SNX29: variants seen among roughly 807,000 people sequenced by gnomAD.
SNX29 encodes sorting nexin 29, also known as sorting nexin-29.
In SNX29, 78 loss-of-function variants were observed where a neutral mutation model predicts 102.1. The ratio of observed to expected loss-of-function variants is 0.76; its 90% confidence interval spans 0.64 to 0.92. SNX29 has a LOEUF of 0.92. Ranked by LOEUF, SNX29 falls within the 40% of genes least tolerant of loss-of-function variation. SNX29 has a pLI of 0.00. For missense variants in SNX29, 1,280 were observed against 1,061.7 expected, an observed-to-expected ratio of 1.21 and a Z score of -2.86; for synonymous variants, 580 against 414.5, an observed-to-expected ratio of 1.40 and a Z score of -4.85.
chr16:12,235,751 C>T (rs1342618836), intron 14 of SNX29, among the ~76,000 whole-genome samples: 2 of 151,716 alleles, frequency 1.3e-5, no homozygotes, highest in East Asian at 3.9e-4. Flanking sequence ...AAAACTTAAA[C>T]ACAATAAAGG....
intron 19 of SNX29, among the ~76,000 whole-genome samples, chr16:12,512,087 A>G (rs2089645993): frequency 6.6e-6 from 1 of 151,948 alleles, no homozygotes; most frequent in African/African-American, 2.4e-5. Context: ...ATGTCTCAAC[A>G]GATGAGGCCA....
At chr16:12,214,236 G>A (rs1048377750) in intron 14 of SNX29, among the ~76,000 whole-genome samples, 5 of 152,176 alleles carry the variant, frequency 3.3e-5, no homozygotes, top group African/African-American at 9.7e-5. Flanking sequence ...TTGTTTGGTA[G>A]GAAACAAAGA....
Position 12,313,305 on chromosome 16 carries a change from C to T in SNX29, c.1782+35269C>T, listed in dbSNP as rs112715233. Among the ~76,000 whole-genome samples the T allele has an allele frequency of 4.9e-3, 743 of 152,272 alleles. 5 individuals are homozygous for T. Among genetic ancestry groups the T allele is most frequent in the African/African-American group, 0.017 (718 of 41,550 alleles). Reference sequence around the variant, plus strand: ...CTGGGATTACAGGCGTGAGCCACTGCGCCTGGCCTGGGTTTTTTTAAACCT... The same window carrying T: ...CTGGGATTACAGGCGTGAGCCACTGTGCCTGGCCTGGGTTTTTTTAAACCT... On this transcript the variant is annotated intron_variant, in intron 15 of 20. Coordinates refer to ENST00000566228, the MANE Select transcript of SNX29 (RefSeq NM_032167.5).
intron 16 of SNX29, among the ~76,000 whole-genome samples, chr16:12,376,309 C>T (rs1057256408): frequency 7.9e-5 from 12 of 152,284 alleles, no homozygotes; most frequent in Middle Eastern, 3.4e-3. Context: ...GCCGAGCAAT[C>T]GCTAGTTATT....
Position 12,440,590 on chromosome 16 carries a change from C to T in SNX29, c.2037+37061C>T, listed in dbSNP as rs1422205093. The stretch of plus-strand genomic sequence containing the variant: ...GTTATTTTTCCTGATCCTCTCCCTC[C>T]TCCCACCCTCCACCCACCAGAAGGC... On this transcript the variant is annotated intron_variant, in intron 18 of 20. Transcript: ENST00000566228. 3.3e-5 allele frequency among the ~76,000 whole-genome samples: 5 copies of T among 152,166 alleles called. No homozygotes were observed. The East Asian group carries it at 9.6e-4, about 29-fold the overall frequency.
At chr16:12,107,593 G>A (rs1312521485) in intron 11 of SNX29, among the ~76,000 whole-genome samples, 4 of 152,020 alleles carry the variant, frequency 2.6e-5, no homozygotes, top group African/African-American at 4.8e-5. Flanking sequence ...GCTGAGATGC[G>A]TTCCTTCATT....
intron 14 of SNX29, among the ~76,000 whole-genome samples, chr16:12,275,472 C>A (rs2151003915): frequency 1.3e-5 from 2 of 152,316 alleles, no homozygotes; most frequent in East Asian, 1.9e-4. Flanking sequence ...TAAAACCTTT[C>A]TTTTGCTTTC....
At chr16:12,425,905 G>T (rs1439367770) in intron 18 of SNX29, among the ~76,000 whole-genome samples, 1 of 152,124 alleles carries the variant, frequency 6.6e-6, no homozygotes, top group East Asian at 1.9e-4. Flanking sequence ...AACTTGGTGT[G>T]TTTTCTGCAG....
At chr16:12,041,302 G>A (rs2151174380) in intron 4 of SNX29, among the ~76,000 whole-genome samples, 1 of 152,110 alleles carries the variant, frequency 6.6e-6, no homozygotes, top group South Asian at 2.1e-4. Context: ...AGTAGAGATG[G>A]GGTTTCAGCA....
chr16:12,562,718 G>A (rs557215374), intron 20 of SNX29, among the ~76,000 whole-genome samples: 19 of 152,166 alleles, frequency 1.2e-4, no homozygotes, highest in Non-Finnish European at 2.6e-4. Context: ...GCCTACCGTG[G>A]TACTGTTTCT....
Position 12,570,349 on chromosome 16 carries a change from C to G in SNX29, c.*1720C>G, listed in dbSNP as rs189066241. On this transcript the variant is annotated 3_prime_UTR_variant, in exon 21 of 21. Coordinates refer to ENST00000566228, the MANE Select transcript of SNX29 (RefSeq NM_032167.5). ...ACTTGGTCTCCCTCCCACTCACCTGCCAACATTGCTGCAATACACATGGTT... is the reference window on the plus strand; with the variant it reads ...ACTTGGTCTCCCTCCCACTCACCTGGCAACATTGCTGCAATACACATGGTT... 12 of 606,500 alleles carry G rather than the reference C, an allele frequency of 2.0e-5. No individual in the cohort carries two copies. The highest frequency in any genetic ancestry group is 2.4e-5 in the Non-Finnish European group (11 of 459,432). 37.6% of individuals were successfully genotyped at this position (606,500 alleles called of 1,614,324 possible). A position where few individuals can be genotyped will look rare whatever the true frequency, so the allele number is the denominator to read the frequency against.
chr16:12,382,196 C>A (rs956264836), intron 16 of SNX29, among the ~76,000 whole-genome samples: 4 of 152,116 alleles, frequency 2.6e-5, no homozygotes, highest in Non-Finnish European at 4.4e-5. Flanking sequence ...TAGACGACAC[C>A]AAACTCAATT....
At chr16:12,421,101 T>A (rs561966733) in intron 18 of SNX29, among the ~76,000 whole-genome samples, 73 of 152,314 alleles carry the variant, frequency 4.8e-4, no homozygotes, top group African/African-American at 1.5e-3. Context: ...GAAGGTTAAG[T>A]GCCTTGCCTA....
At chr16:12,415,026 T>A (rs929172183) in intron 18 of SNX29, among the ~76,000 whole-genome samples, 2 of 152,236 alleles carry the variant, frequency 1.3e-5, no homozygotes, top group Non-Finnish European at 2.9e-5. Flanking sequence ...CCCGGCCTGT[T>A]GTCTTTTTAA....
At chr16:12,426,087 T>A (rs75018789) in intron 18 of SNX29, among the ~76,000 whole-genome samples, 4 of 151,906 alleles carry the variant, frequency 2.6e-5, no homozygotes, top group African/African-American at 7.3e-5. Flanking sequence ...TTATCTTATT[T>A]TTTTTTTTTA....
Position 12,239,529 on chromosome 16 carries a change from A to G in SNX29, c.1679-38404A>G, listed in dbSNP as rs1277528702. On this transcript the variant is annotated intron_variant, in intron 14 of 20. Transcript: ENST00000566228. ...AAAGCTATTTCTATTGAAAACTACAATTAAAAAATATTTTTTGGCAGGGCA... is the reference window on the plus strand; with the variant it reads ...AAAGCTATTTCTATTGAAAACTACAGTTAAAAAATATTTTTTGGCAGGGCA... Among the ~76,000 whole-genome samples the G allele has an allele frequency of 2.6e-5, 4 of 151,572 alleles. No homozygotes were observed. The Admixed American group carries it at 2.6e-4, about 10-fold the overall frequency.
At chr16:12,035,483 A>G (rs3975448) in intron 4 of SNX29, among the ~76,000 whole-genome samples, 248 of 152,334 alleles carry the variant, frequency 1.6e-3, no homozygotes, top group African/African-American at 5.7e-3. Flanking sequence ...TTGCGGCTAG[A>G]TGGAAGTTGG....
intron 18 of SNX29, among the ~76,000 whole-genome samples, chr16:12,463,607 T>C (rs2086910191): frequency 6.6e-6 from 1 of 152,172 alleles, no homozygotes; most frequent in African/African-American, 2.4e-5. Flanking sequence ...ACGTGGGAAT[T>C]ATGGGAGCTA....
chr16:12,413,157 G>A lies in SNX29; in HGVS notation c.2037+9628G>A, dbSNP rs1469288784. 2.0e-5 allele frequency among the ~76,000 whole-genome samples: 3 copies of A among 152,120 alleles called. No individual in the cohort carries two copies. The East Asian group carries it at 5.8e-4, about 29-fold the overall frequency. On this transcript the variant is annotated intron_variant, in intron 18 of 20. Transcript: ENST00000566228. ...GGTTAGGAAGGGAGTGTTGGGCCTG[G>A]GCAAGGTTCATCTCATTAGCTAAGT...
Sources: allele counts gnomAD v4.1 joint callset (sites outside exome capture counted in the v4.1 genomes callset), GRCh38; gene constraint gnomAD v4.1.1; transcripts MANE v1.5; gene names NCBI Gene and HGNC (gene_info 2026-07-23, HGNC 2026-07-21).